The following SMIM31 variants were observed in gnomAD, a reference collection of about 807,000 sequenced individuals.
SMIM31 encodes the protein human epithelial cell program regulator.
Position 164,755,522 on chromosome 4 carries a change from G to T in SMIM31, c.-26+1111G>T, listed in dbSNP as rs866250421. Among the ~76,000 whole-genome samples the T allele has an allele frequency of 2.0e-3, 200 of 101,256 alleles. 2 individuals are homozygous for T. The highest frequency in any genetic ancestry group is 7.2e-3 in the African/African-American group (187 of 26,046). 66.4% of individuals were successfully genotyped at this position (101,256 alleles called of 152,430 possible). The stretch of plus-strand genomic sequence containing the variant: ...GAGGAAAGGAGGGGGGAGGAGAGGG[G>T]AAGGGAGGGAGAGGAGAGGAGGGGA... On this transcript the variant is annotated intron_variant, in intron 1 of 2. Coordinates refer to ENST00000507311, the MANE Select transcript of SMIM31 (RefSeq NM_001352885.1).
chr4:164,772,599 G>A (rs1039996675), intron 2 of SMIM31, among the ~76,000 whole-genome samples: 1 of 42,994 alleles, frequency 2.3e-5, no homozygotes, highest in Non-Finnish European at 5.9e-5. Flanking sequence ...TTTTTTTTGA[G>A]ACGGAGTCTC....
chr4:164,775,397 C>T (rs1732868505), intron 2 of SMIM31, among the ~76,000 whole-genome samples: 1 of 152,190 alleles, frequency 6.6e-6, no homozygotes, highest in African/African-American at 2.4e-5. Flanking sequence ...AACTGTTTGT[C>T]CTTCTGAAAC....
chr4:164,774,321 A>G (rs1389410287), intron 2 of SMIM31, among the ~76,000 whole-genome samples: 3 of 152,226 alleles, frequency 2.0e-5, no homozygotes, highest in Non-Finnish European at 4.4e-5. Flanking sequence ...GCAAGGTGAC[A>G]TCACACATGT....
intron 2 of SMIM31, among the ~76,000 whole-genome samples, chr4:164,793,686 A>G (rs1424326513): frequency 6.6e-6 from 1 of 152,142 alleles, no homozygotes; most frequent in African/African-American, 2.4e-5. Flanking sequence ...TACTAATTCT[A>G]TTAGACCTGA....
intron 2 of SMIM31, among the ~76,000 whole-genome samples, chr4:164,771,586 G>C (rs1453481202): frequency 1.3e-5 from 2 of 151,998 alleles, no homozygotes; most frequent in Admixed American, 1.3e-4. Flanking sequence ...CGGATCACGA[G>C]GTCAGGAGAT....
At chr4:164,782,885 A>G (rs1426443134) in intron 2 of SMIM31, among the ~76,000 whole-genome samples, 1 of 152,118 alleles carries the variant, frequency 6.6e-6, no homozygotes, top group Non-Finnish European at 1.5e-5. Context: ...ATTTCAAAAA[A>G]CTGAATTTAT....
At chr4:164,755,151 G>A (rs527655225) in intron 1 of SMIM31, among the ~76,000 whole-genome samples, 9 of 151,538 alleles carry the variant, frequency 5.9e-5, no homozygotes, top group East Asian at 2.0e-4. Context: ...GAGTGAAGTC[G>A]TATGATTTAA....
chr4:164,789,821 C>T (rs1472301436), intron 2 of SMIM31, among the ~76,000 whole-genome samples: 1 of 152,140 alleles, frequency 6.6e-6, no homozygotes, highest in Non-Finnish European at 1.5e-5. Context: ...CTGACGAAAA[C>T]TGAAGTTAAT....
intron 1 of SMIM31, among the ~76,000 whole-genome samples, chr4:164,767,964 G>A (rs760956037): frequency 5.9e-5 from 9 of 152,056 alleles, no homozygotes; most frequent in Non-Finnish European, 1.0e-4. Flanking sequence ...GGCCAGAGGC[G>A]GTAGCTATGC....
intron 2 of SMIM31, among the ~76,000 whole-genome samples, chr4:164,783,009 G>T (rs1732976478): frequency 6.6e-6 from 1 of 151,640 alleles, no homozygotes; most frequent in Admixed American, 6.6e-5. Context: ...CACGAGGTCA[G>T]GAGTTCGAGA....
rs1290822564 is a variant in SMIM31, at chr4:164,793,110, C to T, written c.113-7981C>T. Among the ~76,000 whole-genome samples the T allele has an allele frequency of 6.6e-5, 10 of 152,096 alleles. No individual in the cohort carries two copies. The East Asian group carries it at 1.7e-3, about 26-fold the overall frequency. ...TACATTAAGCAAATATACACAGGAA[C>T]AGGAAATAAAATGCCATTATGTTCT... is the stretch of plus-strand genomic sequence containing the variant. On this transcript the variant is annotated intron_variant, in intron 2 of 2. Coordinates refer to ENST00000507311, the MANE Select transcript of SMIM31 (RefSeq NM_001352885.1).
chr4:164,756,807 T>C (rs1418954344), intron 1 of SMIM31, among the ~76,000 whole-genome samples: 1 of 152,170 alleles, frequency 6.6e-6, no homozygotes. Context: ...TATGTAAATA[T>C]GTAATTTGTG....
At chr4:164,758,739 T>C (rs1242817679) in intron 1 of SMIM31, among the ~76,000 whole-genome samples, 1 of 140,262 alleles carries the variant, frequency 7.1e-6, no homozygotes, top group Non-Finnish European at 1.5e-5. Flanking sequence ...GTTCACGCCA[T>C]TCTCCTGCCT....
chr4:164,769,011 G>C (rs1351804151), intron 1 of SMIM31, among the ~76,000 whole-genome samples: 2 of 152,018 alleles, frequency 1.3e-5, no homozygotes, highest in Non-Finnish European at 2.9e-5. Context: ...AGTGATCTTT[G>C]TCTCCCCTCT....
rs753216690 is a variant in SMIM31, at chr4:164,783,252, T to A, written c.112+12697T>A. On this transcript the variant is annotated intron_variant, in intron 2 of 2. Coordinates refer to ENST00000507311, the MANE Select transcript of SMIM31 (RefSeq NM_001352885.1). ...AAAAAAGGAATTTCTGGCCGGGTGC[T>A]GTGGCTCACACCTGTAATCCCAGCA... Among the ~76,000 whole-genome samples the A allele has an allele frequency of 2.2e-5, 3 of 137,754 alleles. No individual in the cohort carries two copies. The Admixed American group carries it at 2.2e-4, about 10-fold the overall frequency. The allele number at this position is 137,754 out of a possible 152,430, so 90.4% of individuals were successfully genotyped here. A position where few individuals can be genotyped will look rare whatever the true frequency, so the allele number is the denominator to read the frequency against.
At chr4:164,758,904 G>A (rs1490368433) in intron 1 of SMIM31, among the ~76,000 whole-genome samples, 3 of 136,598 alleles carry the variant, frequency 2.2e-5, no homozygotes, top group Non-Finnish European at 1.5e-5. Flanking sequence ...TCCTGACCTC[G>A]TGATCTGCCC....
rs965132035 is a variant in SMIM31, at chr4:164,801,220, TAAG to T, written c.*31_*33del. The T allele has an allele frequency of 2.5e-6, 1 of 398,768 alleles. No individual in the cohort carries two copies. The highest frequency in any genetic ancestry group is 2.1e-5 in the African/African-American group (1 of 48,622). The allele number at this position is 398,768 out of a possible 1,614,324, so 24.7% of individuals were successfully genotyped here. A position where few individuals can be genotyped will look rare whatever the true frequency, so the allele number is the denominator to read the frequency against. ...TCTCATAGCCACCGATATTTCTCGC[TAAG>T]AAGACAGAGGAAGCAATCCATGGGA... On this transcript the variant is annotated 3_prime_UTR_variant, in exon 3 of 3. Transcript: ENST00000507311.
At chr4:164,788,937 G>T (rs1169249587) in intron 2 of SMIM31, among the ~76,000 whole-genome samples, 1 of 152,186 alleles carries the variant, frequency 6.6e-6, no homozygotes, top group African/African-American at 2.4e-5. Flanking sequence ...ACTCCCGAAA[G>T]AAAAATGTGT....
At chr4:164,755,541 G>GA (rs1473030633) in intron 1 of SMIM31, among the ~76,000 whole-genome samples, 84 of 6,540 alleles carry the variant, frequency 0.013, 2 homozygotes, top group African/African-American at 0.037. Context: ...GAGAGGAGAG[G>GA]AGGGGAGGGG....
Sources: gnomAD v4.1 joint callset for allele counts (sites outside exome capture counted in the v4.1 genomes callset) on GRCh38, gnomAD v4.1.1 for gene constraint, MANE v1.5 for transcripts, NCBI Gene and HGNC (gene_info 2026-07-23, HGNC 2026-07-21) for gene names.